Variants in LRMDA observed in about 807,000 individuals in gnomAD.
LRMDA encodes the protein leucine rich melanocyte differentiation associated.
A neutral mutation model predicts 29.8 loss-of-function variants in LRMDA; 18 were observed. The ratio of observed to expected loss-of-function variants is 0.60; its 90% CI spans 0.42 to 0.90. The LOEUF is 0.90. Ranked by LOEUF, LRMDA falls within the 40% of genes least tolerant of loss-of-function variation. The probability of loss-of-function intolerance (pLI) is 0.00; values close to 1 mark genes in which losing one functional copy is unlikely to be tolerated. For synonymous variants in LRMDA, 125 were observed against 109.4 expected (o/e 1.14, Z -0.89); for missense variants, 273 against 273.9 (o/e 1.00, Z 0.02).
chr10:76,237,931 C>T (rs2132280323), intron 5 of LRMDA, among the ~76,000 whole-genome samples: 1 of 151,848 alleles, frequency 6.6e-6, no homozygotes, highest in Admixed American at 6.6e-5. Context: ...GCTGGGATTA[C>T]AAGCACGTGC....
intron 5 of LRMDA, among the ~76,000 whole-genome samples, chr10:76,210,758 A>G (rs554556951): frequency 1.3e-5 from 2 of 152,276 alleles, no homozygotes; most frequent in South Asian, 2.1e-4. Flanking sequence ...GTTTCTCCGC[A>G]TCTCTAACAA....
chr10:75,997,467 A>AT (rs11314151), intron 2 of LRMDA, among the ~76,000 whole-genome samples: 10,907 of 141,740 alleles, frequency 0.077, 504 homozygotes, highest in East Asian at 0.19. Context: ...ACATACATCT[A>AT]TTTTTTTTTT....
chr10:76,012,286 C>A (rs1452384437), intron 2 of LRMDA, among the ~76,000 whole-genome samples: 1 of 152,172 alleles, frequency 6.6e-6, no homozygotes, highest in African/African-American at 2.4e-5. Context: ...TAGCTGCAGG[C>A]CACGGTGCAT....
intron 5 of LRMDA, among the ~76,000 whole-genome samples, chr10:76,154,657 G>C (rs915574597): frequency 1.3e-5 from 2 of 152,102 alleles, no homozygotes; most frequent in African/African-American, 4.8e-5. Flanking sequence ...TATGATCAAG[G>C]CTTTTATCTG....
chr10:76,462,189 T>C (rs567785489), intron 6 of LRMDA, among the ~76,000 whole-genome samples: 1 of 151,746 alleles, frequency 6.6e-6, no homozygotes, highest in Middle Eastern at 3.4e-3. Flanking sequence ...CTAGACCTTC[T>C]GAATCAGAAT....
chr10:75,634,178 ATCT>A (rs1841361891), intron 2 of LRMDA, among the ~76,000 whole-genome samples: 1 of 152,330 alleles, frequency 6.6e-6, no homozygotes, highest in South Asian at 2.1e-4. Context: ...AAAAGCAGAC[ATCT>A]TCTTTTGTGG....
intron 6 of LRMDA, among the ~76,000 whole-genome samples, chr10:76,510,562 G>A (rs1843000842): frequency 6.6e-6 from 1 of 152,096 alleles, no homozygotes; most frequent in South Asian, 2.1e-4. Flanking sequence ...GAAGAACCTC[G>A]GACTGCCACA....
At chr10:75,980,493 C>T (rs192782386) in intron 2 of LRMDA, among the ~76,000 whole-genome samples, 9 of 152,258 alleles carry the variant, frequency 5.9e-5, no homozygotes, top group Non-Finnish European at 1.2e-4. Context: ...GGTTGGGCCT[C>T]GTGAACTTGA....
intron 2 of LRMDA, among the ~76,000 whole-genome samples, chr10:75,916,405 G>T (rs2132383483): frequency 6.6e-6 from 1 of 152,212 alleles, no homozygotes; most frequent in African/African-American, 2.4e-5. Context: ...AGGCAGCAGG[G>T]GTGAGGCAGC....
chr10:76,071,442 GAGA>G (rs1272176988), intron 5 of LRMDA, among the ~76,000 whole-genome samples: 2 of 152,198 alleles, frequency 1.3e-5, no homozygotes, highest in Non-Finnish European at 2.9e-5. Flanking sequence ...GGATGTTTTG[GAGA>G]AGATTAGATT....
At chr10:76,243,671 C>A (rs890546590) in intron 5 of LRMDA, among the ~76,000 whole-genome samples, 1 of 152,086 alleles carries the variant, frequency 6.6e-6, no homozygotes, top group Non-Finnish European at 1.5e-5. Flanking sequence ...TACCTTGGAA[C>A]CTTTAACTTG....
At chr10:75,575,911 G>GT (rs1178703485) in intron 2 of LRMDA, among the ~76,000 whole-genome samples, 1 of 151,618 alleles carries the variant, frequency 6.6e-6, no homozygotes, top group East Asian at 1.9e-4. Flanking sequence ...AGGGCCCTGG[G>GT]TTTCCAGCAC....
At chr10:76,504,276 A>G (rs1842938777) in intron 6 of LRMDA, among the ~76,000 whole-genome samples, 3 of 152,016 alleles carry the variant, frequency 2.0e-5, no homozygotes, top group African/African-American at 7.2e-5. Context: ...AATATGTTCC[A>G]TGTGCAGATG....
chr10:76,474,129 C>T (rs569072809), intron 6 of LRMDA, among the ~76,000 whole-genome samples: 1 of 151,752 alleles, frequency 6.6e-6, no homozygotes, highest in African/African-American at 2.4e-5. Context: ...GTAATTTCAA[C>T]AAATGGCGCT....
At chr10:75,727,252 A>G (rs1842641963) in intron 2 of LRMDA, among the ~76,000 whole-genome samples, 1 of 152,154 alleles carries the variant, frequency 6.6e-6, no homozygotes, top group South Asian at 2.1e-4. Flanking sequence ...GATCAGTTAA[A>G]AAGCGTAGGA....
At chr10:76,450,258 C>G (rs1025393023) in intron 6 of LRMDA, among the ~76,000 whole-genome samples, 1 of 152,028 alleles carries the variant, frequency 6.6e-6, no homozygotes, top group Non-Finnish European at 1.5e-5. Context: ...CTGGACAAAT[C>G]GTTTCATTGT....
At chr10:75,723,249 A>G (rs1473715532) in intron 2 of LRMDA, among the ~76,000 whole-genome samples, 1 of 152,220 alleles carries the variant, frequency 6.6e-6, no homozygotes, top group Non-Finnish European at 1.5e-5. Flanking sequence ...CCTGCCATGA[A>G]CTGGCTGGTG....
intron 2 of LRMDA, among the ~76,000 whole-genome samples, chr10:75,810,481 A>G (rs1489891489): frequency 6.6e-6 from 1 of 152,174 alleles, no homozygotes; most frequent in Non-Finnish European, 1.5e-5. Flanking sequence ...GAGCTGAAGG[A>G]ACAAAAGACG....
At chr10:76,361,862 G>A (rs2132445125) in intron 6 of LRMDA, among the ~76,000 whole-genome samples, 1 of 152,292 alleles carries the variant, frequency 6.6e-6, no homozygotes, top group South Asian at 2.1e-4. Context: ...CCTTGTACCA[G>A]TGATAATGGT....
Sources: allele counts gnomAD v4.1 joint callset (sites outside exome capture counted in the v4.1 genomes callset), GRCh38; gene constraint gnomAD v4.1.1; transcripts MANE v1.5; gene names NCBI Gene and HGNC (gene_info 2026-07-23, HGNC 2026-07-21).